Variants in VAT1L observed in about 807,000 individuals in gnomAD.
The protein encoded by VAT1L is putative NADPH-dependent quinone oxidoreductase VAT1L.
Under a neutral mutation model 44.1 loss-of-function variants are expected in VAT1L, and 34 were observed. That is an observed-to-expected ratio of 0.77 (90% CI 0.59 to 1.03). The LOEUF is 1.03. Among genes scored for constraint, VAT1L ranks in the 50% least tolerant of loss-of-function variants. The pLI is 0.00. For missense variants in VAT1L, 615 were observed against 538.8 expected (o/e 1.14, Z -1.40); for synonymous variants, 253 against 202.2 (o/e 1.25, Z -2.13).
chr16:77,799,792 A>G (rs2016014413), intron 1 of VAT1L, among the ~76,000 whole-genome samples: 1 of 152,130 alleles, frequency 6.6e-6, no homozygotes, highest in Non-Finnish European at 1.5e-5. Context: ...AGTCACATTA[A>G]ATAACACATA....
intron 7 of VAT1L, among the ~76,000 whole-genome samples, chr16:77,925,503 A>G (rs963602334): frequency 1.3e-5 from 2 of 152,182 alleles, no homozygotes; most frequent in African/African-American, 4.8e-5. Context: ...TGGCGCTTCA[A>G]TCAATATTGC....
intron 4 of VAT1L, among the ~76,000 whole-genome samples, chr16:77,868,327 G>A (rs934637738): frequency 1.3e-5 from 2 of 152,154 alleles, no homozygotes; most frequent in Admixed American, 1.3e-4. Context: ...ATCTATATTA[G>A]TGAGGCCTAC....
At chr16:77,964,371 T>C (rs57554122) in intron 7 of VAT1L, among the ~76,000 whole-genome samples, 28,837 of 152,056 alleles carry the variant, frequency 0.19, 3,146 homozygotes, top group East Asian at 0.44. Context: ...GGAGAATTTA[T>C]TTCCTTCCCT....
At chr16:77,959,694 A>G (rs1050365818) in intron 7 of VAT1L, among the ~76,000 whole-genome samples, 2 of 152,220 alleles carry the variant, frequency 1.3e-5, no homozygotes. Flanking sequence ...CACCATTAAA[A>G]AGGAAGTTGG....
chr16:77,948,208 C>G (rs1322224221), intron 7 of VAT1L, among the ~76,000 whole-genome samples: 1 of 152,218 alleles, frequency 6.6e-6, no homozygotes, highest in Non-Finnish European at 1.5e-5. Context: ...GCCACCTTCC[C>G]TCTTCTCCTG....
intron 4 of VAT1L, among the ~76,000 whole-genome samples, chr16:77,869,309 GT>G (rs1250775201): frequency 6.6e-6 from 1 of 152,224 alleles, no homozygotes; most frequent in Non-Finnish European, 1.5e-5. Flanking sequence ...TAAATACAGT[GT>G]GAGAGTGAGA....
At chr16:77,936,563 G>A (rs895020328) in intron 7 of VAT1L, among the ~76,000 whole-genome samples, 8 of 152,108 alleles carry the variant, frequency 5.3e-5, no homozygotes, top group African/African-American at 1.9e-4. Context: ...CGAAGAGTGA[G>A]AAAAATGGGA....
rs57906062 is a variant in VAT1L at position 77,802,615 on chromosome 16, A to AACACAC, written c.233+13749_233+13754dup. ...GGCAACAGAGCGAGACCCCATCTCAAACACACACACACACACACACACACA... is the reference window on the plus strand; with the variant it reads ...GGCAACAGAGCGAGACCCCATCTCAAACACACACACACACACACACACACACACACA... On this transcript the variant is annotated intron_variant, in intron 1 of 8. Coordinates refer to ENST00000302536, the MANE Select transcript of VAT1L (RefSeq NM_020927.3). 2.5e-3 allele frequency among the ~76,000 whole-genome samples: 279 copies of AACACAC among 112,030 alleles called. 1 individual carries two copies. The highest frequency in any genetic ancestry group is 3.8e-3 in the African/African-American group (106 of 27,856). The allele number at this position is 112,030 out of a possible 152,430, so 73.5% of individuals were successfully genotyped here. A position where few individuals can be genotyped will look rare whatever the true frequency, so the allele number is the denominator to read the frequency against.
intron 6 of VAT1L, among the ~76,000 whole-genome samples, chr16:77,880,155 A>G (rs186983118): frequency 6.6e-6 from 1 of 152,150 alleles, no homozygotes; most frequent in East Asian, 1.9e-4. Context: ...AATTATACTG[A>G]TGTTGGCTTG....
In VAT1L at chr16:77,968,834, T is replaced by C. The variant is rs115374089; in HGVS notation, c.1078-3016T>C. Among the ~76,000 whole-genome samples, 837 of 152,312 alleles carry C rather than the reference T, an allele frequency of 5.5e-3. 5 individuals carry two copies. The highest frequency in any genetic ancestry group is 0.019 in the African/African-American group (777 of 41,564). On this transcript the variant is annotated intron_variant, in intron 7 of 8. Transcript: ENST00000302536. ...ATTTTGCAAGAATCAATTCTTTTTT[T>C]TTTAAAGACAGTCTCGCTCTGTTGC...
At chr16:77,821,231 A>G (rs775414403) in intron 2 of VAT1L, among the ~76,000 whole-genome samples, 6 of 152,150 alleles carry the variant, frequency 3.9e-5, no homozygotes, top group Non-Finnish European at 7.3e-5. Context: ...GGATAAGTCA[A>G]TATAATGGGA....
rs10566511 is a variant in VAT1L, at chr16:77,964,779, CTTTTTTTTTT to C, written c.1078-7048_1078-7039del. 5.4e-5 allele frequency among the ~76,000 whole-genome samples: 5 copies of C among 91,884 alleles called. No individual in the cohort carries two copies. The East Asian group carries it at 1.2e-3, about 21-fold the overall frequency. 60.3% of individuals were successfully genotyped at this position (91,884 alleles called of 152,430 possible). On this transcript the variant is annotated intron_variant, in intron 7 of 8. Transcript: ENST00000302536. ...AACACTGCTCACGCCCTTTGTAGCA[CTTTTTTTTTT>C]TTTTTTTTTTTTTTTTTTTTTTAGA...
At chr16:77,809,105 T>G (rs151005528) in intron 1 of VAT1L, among the ~76,000 whole-genome samples, 1 of 152,332 alleles carries the variant, frequency 6.6e-6, no homozygotes, top group Non-Finnish European at 1.5e-5. Context: ...GGCTCTGGAT[T>G]TACATCACTT....
chr16:77,867,653 G>T (rs2016989300), intron 4 of VAT1L, among the ~76,000 whole-genome samples: 1 of 152,094 alleles, frequency 6.6e-6, no homozygotes, highest in Admixed American at 6.5e-5. Context: ...GAGGTCAGGA[G>T]TTCAAGACCA....
chr16:77,864,086 C>G (rs1251575733), intron 4 of VAT1L, among the ~76,000 whole-genome samples: 1 of 152,122 alleles, frequency 6.6e-6, no homozygotes, highest in East Asian at 1.9e-4. Flanking sequence ...CACAGGGAAG[C>G]AGATGGAAAC....
At chr16:77,835,353 T>G (rs1329962034) in intron 3 of VAT1L, among the ~76,000 whole-genome samples, 1 of 152,208 alleles carries the variant, frequency 6.6e-6, no homozygotes, top group African/African-American at 2.4e-5. Context: ...TTTCCAGATT[T>G]TTTGGCTGCC....
At chr16:77,909,433 T>C (rs1423726791) in intron 7 of VAT1L, among the ~76,000 whole-genome samples, 1 of 152,004 alleles carries the variant, frequency 6.6e-6, no homozygotes, top group Non-Finnish European at 1.5e-5. Flanking sequence ...GGTCAGGAGT[T>C]CGAGACCAGC....
intron 7 of VAT1L, among the ~76,000 whole-genome samples, chr16:77,889,159 A>G (rs1245822029): frequency 6.6e-6 from 1 of 152,198 alleles, no homozygotes; most frequent in Non-Finnish European, 1.5e-5. Flanking sequence ...ATCCAGCTCT[A>G]TAACTTCATC....
At chr16:77,895,123 C>CACACACACACACACACACACACAT (rs1444617616) in intron 7 of VAT1L, among the ~76,000 whole-genome samples, 1 of 151,780 alleles carries the variant, frequency 6.6e-6, no homozygotes, top group East Asian at 1.9e-4. Context: ...CACACTCACA[C>CACACACACACACACACACACACAT]ATTTCCGATT....
Sources: allele counts gnomAD v4.1 joint callset (sites outside exome capture counted in the v4.1 genomes callset), GRCh38; gene constraint gnomAD v4.1.1; transcripts MANE v1.5; gene names NCBI Gene and HGNC (gene_info 2026-07-23, HGNC 2026-07-21).